Variants in NRP2 observed in about 807,000 individuals in gnomAD.
The protein encoded by NRP2 is neuropilin-2.
NRP2 carries 52 observed loss-of-function variants against 110.4 expected under a neutral mutation model. The observed-to-expected ratio is 0.47, with a 90% CI of 0.38 to 0.59. The LOEUF is 0.59. Among genes scored for constraint, NRP2 ranks in the 20% least tolerant of loss-of-function variants. NRP2 has a pLI of 0.00. For missense variants in NRP2, 1,049 were observed against 1,203.0 expected, an observed-to-expected ratio of 0.87 and a Z score of 1.89; for synonymous variants, 508 against 468.9, an observed-to-expected ratio of 1.08 and a Z score of -1.08.
Position 205,723,899 on chromosome 2 carries a change from T to C in NRP2, c.779T>C (p.Phe260Ser). 1 of 1,614,174 alleles carries C rather than the reference T, an allele frequency of 6.2e-7. No homozygotes were observed. Among genetic ancestry groups the C allele is most frequent in the Non-Finnish European group, 8.5e-7 (1 of 1,180,028 alleles). ...HTDMAVAKDG[F>S]SARYYLVHQE... ...GACATGGCGGTGGCCAAGGATGGCT[T>C]CTCTGCGCGTTACTACCTGGTCCAC... The change falls in exon 5 of 17, where the codon TTC becomes TCC. Residue 260 changes from phenylalanine to serine, a missense_variant. Coordinates refer to ENST00000357785, the MANE Select transcript of NRP2 (RefSeq NM_003872.3).
chr2:205,745,609 C>T (rs2057523839), intron 9 of NRP2, 137 bp from the exon 10 acceptor site: 1 of 900,884 alleles, frequency 1.1e-6, no homozygotes, highest in Non-Finnish European at 1.8e-6. Context: ...CAGAATGTCC[C>T]AGTGACCAGG....
intron 15 of NRP2, among the ~76,000 whole-genome samples, chr2:205,774,642 G>A (rs774782542): frequency 1.1e-4 from 17 of 152,198 alleles, no homozygotes; most frequent in South Asian, 4.1e-4. Context: ...AGCAGGCTTT[G>A]AAATATTTTC....
intron 2 of NRP2, among the ~76,000 whole-genome samples, chr2:205,709,113 G>A (rs1471444217): frequency 2.6e-5 from 4 of 152,198 alleles, no homozygotes; most frequent in Admixed American, 2.0e-4. Flanking sequence ...GATGGAGGAC[G>A]GGTGGTTTTG....
chr2:205,794,880 G>A lies in NRP2; in HGVS notation c.2603G>A (p.Ser868Asn), dbSNP rs2058338231. Reference protein sequence around the residue: ...DPILITIIAMSSLGVLLGATC... With the variant: ...DPILITIIAMNSLGVLLGATC... ...ATCCTCATCACCATCATCGCCATGA[G>A]CTCACTGGGCGTCCTCCTGGGGGCC... Residue 868 changes from serine (S) to asparagine (N), a missense_variant, in exon 17 of 17, where the codon AGC (serine) becomes AAC (asparagine). Physicochemically the swap from Ser to Asn is conservative, Grantham distance 46. Transcript: ENST00000357785. 1.2e-6 allele frequency: 2 copies of A among 1,614,164 alleles called. No homozygotes were observed. The highest frequency in any genetic ancestry group is 8.5e-7 in the Non-Finnish European group (1 of 1,180,034).
chr2:205,765,426 G>A (rs2057898936), intron 13 of NRP2, 48 bp from the exon 14 acceptor site: 1 of 1,507,236 alleles, frequency 6.6e-7, no homozygotes, highest in East Asian at 2.3e-5. Context: ...TGCACCGTTT[G>A]GACTAGGAGA....
intron 12 of NRP2, chr2:205,761,642 G>C (rs1344610092): frequency 1.3e-5 from 2 of 152,264 alleles, no homozygotes; most frequent in African/African-American, 4.8e-5. Context: ...GCAGCAACGG[G>C]CCCAGTGGGG....
chr2:205,701,124 AATGT>A, intron 2 of NRP2: 1 of 163,950 alleles, frequency 6.1e-6, no homozygotes, highest in Non-Finnish European at 1.3e-5. Flanking sequence ...TAAAATTTAA[AATGT>A]ATGTATTTTT....
intron 15 of NRP2, among the ~76,000 whole-genome samples, chr2:205,786,501 T>C (rs1473545755): frequency 6.6e-6 from 1 of 152,198 alleles, no homozygotes; most frequent in Non-Finnish European, 1.5e-5. Flanking sequence ...TTACTCTCAG[T>C]TCTACTGCTG....
At chr2:205,716,562 G>GGGGCGGGCTGT (rs1413931688) in intron 3 of NRP2, among the ~76,000 whole-genome samples, 188 bp downstream of exon 3, 1 of 150,784 alleles carries the variant, frequency 6.6e-6, no homozygotes, top group Admixed American at 6.6e-5. Context: ...CCAGCTTAAG[G>GGGGCGGGCTGT]GGGCGGGCTG....
chr2:205,769,408 C>T (rs767604489), intron 15 of NRP2, among the ~76,000 whole-genome samples: 10 of 151,938 alleles, frequency 6.6e-5, no homozygotes, highest in Non-Finnish European at 1.0e-4. Context: ...TTGGAAGTAT[C>T]TTTCATTTTC....
chr2:205,743,625 C>T (rs758917800), intron 9 of NRP2, 73 bp downstream of exon 9: 2 of 1,570,558 alleles, frequency 1.3e-6, no homozygotes, highest in South Asian at 2.3e-5. Flanking sequence ...GGAGTTGAGA[C>T]TGATGATGTC....
Position 205,688,116 on chromosome 2 carries a change from G to A in NRP2, c.73+4753G>A, listed in dbSNP as rs569381046. Among the ~76,000 whole-genome samples the A allele has an allele frequency of 1.5e-3, 232 of 152,302 alleles. 1 individual carries two copies. Among genetic ancestry groups the A allele is most frequent in the Non-Finnish European group, 2.9e-3 (198 of 68,028 alleles). ...GAAAGACTTTAGGAACTTGAGCTGA[G>A]ATCTTCCTTTCTTAAAAGATAGAGC... On this transcript the variant is annotated intron_variant, in intron 1 of 16. Coordinates refer to ENST00000357785, the MANE Select transcript of NRP2 (RefSeq NM_003872.3).
chr2:205,743,586 C>T, intron 9 of NRP2, 34 bp downstream of exon 9: 1 of 1,610,500 alleles, frequency 6.2e-7, no homozygotes, highest in Non-Finnish European at 8.5e-7. Context: ...GTAACGTTAC[C>T]CTCAACAGGG....
chr2:205,751,287 T>C (rs3771014), intron 11 of NRP2, among the ~76,000 whole-genome samples: 5,714 of 152,328 alleles, frequency 0.038, 128 homozygotes, highest in Middle Eastern at 0.051. Context: ...TTCCCGTTTC[T>C]AGTGGTTTGT....
intron 15 of NRP2, among the ~76,000 whole-genome samples, chr2:205,770,013 A>C (rs1326604146): frequency 6.6e-6 from 1 of 152,170 alleles, no homozygotes; most frequent in African/African-American, 2.4e-5. Flanking sequence ...CCTTGGAGGC[A>C]AGAGTTTTTG....
At chr2:205,710,184 A>G (rs1352256697) in intron 2 of NRP2, among the ~76,000 whole-genome samples, 1 of 152,190 alleles carries the variant, frequency 6.6e-6, no homozygotes, top group Non-Finnish European at 1.5e-5. Context: ...TGCTATGGCA[A>G]TCCGGTATTT....
Position 205,716,280 on chromosome 2 carries a change from C to T in NRP2, c.339C>T (p.Ile113=). 6.2e-7 allele frequency: 1 copy of T among 1,614,208 alleles called. No homozygotes were observed. The highest frequency in any genetic ancestry group is 8.5e-7 in the Non-Finnish European group (1 of 1,180,034). ...GTGGGAACATCGCCCCGCCCACCATCATCTCCTCGGGCTCCATGCTCTACA... is the reference window on the plus strand; with the variant it reads ...GTGGGAACATCGCCCCGCCCACCATTATCTCCTCGGGCTCCATGCTCTACA... ...KHCGNIAPPT[I]ISSGSMLYIK... The change falls in exon 3 of 17, where the codon ATC becomes ATT. Residue 113 remains isoleucine, a synonymous_variant. Transcript: ENST00000357785.
rs56812222 is a variant in NRP2 at position 205,790,648 on chromosome 2, GT to G, written c.2426-1573del. Reference sequence around the variant, plus strand: ...TGGAAATGTGACGGTTTTCTTCCATGTTTTTTTTTTTTTTCATATGGAAAAA... The same window carrying G: ...TGGAAATGTGACGGTTTTCTTCCATGTTTTTTTTTTTTTCATATGGAAAAA... On this transcript the variant is annotated intron_variant, in intron 15 of 16. Coordinates refer to ENST00000357785, the MANE Select transcript of NRP2 (RefSeq NM_003872.3). 4.7e-3 allele frequency among the ~76,000 whole-genome samples: 686 copies of G among 145,058 alleles called. 3 individuals carry two copies. The highest frequency in any genetic ancestry group is 0.022 in the South Asian group (98 of 4,552).
intron 12 of NRP2, among the ~76,000 whole-genome samples, chr2:205,753,277 G>A (rs1334641205): frequency 6.6e-6 from 1 of 152,186 alleles, no homozygotes; most frequent in Non-Finnish European, 1.5e-5. Flanking sequence ...GATGGGGCAC[G>A]AGTCAGTGTC....
Sources: gnomAD v4.1 joint callset for allele counts (sites outside exome capture counted in the v4.1 genomes callset) on GRCh38, gnomAD v4.1.1 for gene constraint, MANE v1.5 for transcripts, NCBI Gene and HGNC (gene_info 2026-07-23, HGNC 2026-07-21) for gene names.